The following IFT43 variants were observed in gnomAD, a reference collection of about 807,000 sequenced individuals.
IFT43 encodes intraflagellar transport protein 43 homolog.
Under a neutral mutation model 32.3 loss-of-function variants are expected in IFT43, and 33 were observed. The observed-to-expected ratio is 1.02, with a 90% confidence interval of 0.77 to 1.37. The LOEUF (loss-of-function observed/expected upper bound fraction) is 1.37, where lower values mean the gene tolerates loss of function less well. Ranked by LOEUF, IFT43 falls within the 40% of genes most tolerant of loss-of-function variation. The pLI, the probability that IFT43 is intolerant of heterozygous loss-of-function variation, is 0.00. For missense variants in IFT43, 274 were observed against 265.9 expected, an observed-to-expected ratio of 1.03 and a Z score of -0.21; for synonymous variants, 93 against 98.2, an observed-to-expected ratio of 0.95 and a Z score of 0.31.
chr14:75,999,074 C>T (rs1025163170), intron 2 of IFT43, among the ~76,000 whole-genome samples: 11 of 148,228 alleles, frequency 7.4e-5, no homozygotes, highest in African/African-American at 4.9e-5. Flanking sequence ...TATTGAGCTT[C>T]CTCTGTTTTA....
At chr14:75,986,026 G>A (rs2035517031) in intron 1 of IFT43, 186 bp downstream of exon 1, 1 of 1,525,766 alleles carries the variant, frequency 6.6e-7, no homozygotes, top group African/African-American at 1.4e-5. Flanking sequence ...CTGCTGGCCT[G>A]GGGTTTGCTT....
At chr14:76,076,445 T>C in intron 5 of IFT43, 1 of 1,096,006 alleles carries the variant, frequency 9.1e-7, no homozygotes, top group Admixed American at 2.0e-5. Context: ...GAGGCATCTC[T>C]GCCTGGGTGG....
At chr14:76,032,493 G>A (rs1004357082) in intron 3 of IFT43, among the ~76,000 whole-genome samples, 5 of 152,052 alleles carry the variant, frequency 3.3e-5, no homozygotes, top group Non-Finnish European at 5.9e-5. Context: ...ACCCCTCATC[G>A]CTCTGTGGTC....
chr14:76,060,427 C>T (rs1011201648), intron 5 of IFT43, among the ~76,000 whole-genome samples: 1 of 152,040 alleles, frequency 6.6e-6, no homozygotes, highest in Non-Finnish European at 1.5e-5. Context: ...CCATGTTGGC[C>T]AGGCTGGTCT....
intron 5 of IFT43, among the ~76,000 whole-genome samples, chr14:76,070,468 G>A (rs895636683): frequency 6.6e-6 from 1 of 152,180 alleles, no homozygotes; most frequent in African/African-American, 2.4e-5. Flanking sequence ...AGAACATTTC[G>A]TTATGTTGGC....
intron 5 of IFT43, among the ~76,000 whole-genome samples, chr14:76,066,152 A>G (rs2037221837): frequency 6.6e-6 from 1 of 152,222 alleles, no homozygotes; most frequent in Non-Finnish European, 1.5e-5. Context: ...GCCTAGAATG[A>G]TTGATGGGCT....
intron 2 of IFT43, among the ~76,000 whole-genome samples, chr14:76,006,110 G>A (rs1453292672): frequency 1.3e-5 from 2 of 152,152 alleles, no homozygotes; most frequent in Non-Finnish European, 2.9e-5. Context: ...CATTAGTGGT[G>A]CAACTTGGAA....
At chr14:76,045,023 G>GTA (rs1231461901) in intron 3 of IFT43, among the ~76,000 whole-genome samples, 3 of 152,204 alleles carry the variant, frequency 2.0e-5, no homozygotes, top group African/African-American at 7.2e-5. Flanking sequence ...ACGGTAGGCT[G>GTA]TATGTGGTTA....
intron 3 of IFT43, among the ~76,000 whole-genome samples, chr14:76,027,575 G>A (rs887765984): frequency 1.8e-4 from 28 of 152,144 alleles, no homozygotes; most frequent in Admixed American, 1.1e-3. Flanking sequence ...TAGGTGTGGT[G>A]GCGGGTGCCT....
chr14:76,059,796 AC>A (rs752390946), intron 5 of IFT43, among the ~76,000 whole-genome samples: 23 of 152,050 alleles, frequency 1.5e-4, no homozygotes, highest in Non-Finnish European at 1.5e-4. Context: ...TCTCACCACA[AC>A]CCCGTAGTAC....
At chr14:75,999,281 AT>A (rs371670856) in intron 2 of IFT43, among the ~76,000 whole-genome samples, 4,763 of 38,732 alleles carry the variant, frequency 0.12, 275 homozygotes, top group East Asian at 0.35. Flanking sequence ...ATGTATATAT[AT>A]TTTTTTTTTT....
chr14:76,059,769 C>T (rs1202566093), intron 5 of IFT43, among the ~76,000 whole-genome samples: 1 of 152,198 alleles, frequency 6.6e-6, no homozygotes. Context: ...CCAGTTTACA[C>T]ATGTTAAAGC....
At chr14:76,056,840 G>T (rs1357828228) in intron 3 of IFT43, among the ~76,000 whole-genome samples, 2 of 152,170 alleles carry the variant, frequency 1.3e-5, no homozygotes, top group African/African-American at 4.8e-5. Flanking sequence ...GGCTTTGATG[G>T]CTACTGGGTG....
intron 2 of IFT43, among the ~76,000 whole-genome samples, chr14:75,996,805 A>G (rs988567711): frequency 2.0e-5 from 3 of 152,272 alleles, no homozygotes; most frequent in Non-Finnish European, 4.4e-5. Context: ...TGAAGAGGGC[A>G]GGAGTGACCT....
intron 3 of IFT43, among the ~76,000 whole-genome samples, chr14:76,027,477 A>G (rs1215439520): frequency 1.3e-5 from 2 of 152,132 alleles, no homozygotes; most frequent in African/African-American, 2.4e-5. Context: ...TGGGAGGCCG[A>G]GGCGGGTGGA....
intron 2 of IFT43, among the ~76,000 whole-genome samples, chr14:76,019,735 T>G (rs2036255737): frequency 6.6e-6 from 1 of 152,158 alleles, no homozygotes; most frequent in Non-Finnish European, 1.5e-5. Flanking sequence ...GTTGCATATG[T>G]CAAGTAGGCT....
Position 76,082,355 on chromosome 14 carries a change from C to T in IFT43, c.356C>T (p.Ala119Val). 1.9e-6 allele frequency: 3 copies of T among 1,604,288 alleles called. No homozygotes were observed. ...VQEEDFVLQV[A>V]APPSIQIKRV... ...GAAGAAGACTTTGTTTTGCAGGTGG[C>T]AGCCCCTCCCAGGTAGGTTAAATCA... Residue 119 changes from alanine (A) to valine (V), a missense_variant, in exon 6 of 9, where the codon GCA becomes GTA. Ala to Val is a moderately conservative substitution (Grantham distance 64). Coordinates refer to ENST00000314067, the MANE Select transcript of IFT43 (RefSeq NM_001102564.3).
intron 3 of IFT43, among the ~76,000 whole-genome samples, chr14:76,040,450 A>G (rs2036685971): frequency 6.6e-6 from 1 of 152,226 alleles, no homozygotes; most frequent in African/African-American, 2.4e-5. Context: ...CCCATAGGCT[A>G]GGGAAGAGGT....
chr14:76,040,198 C>A (rs1253886526), intron 3 of IFT43, among the ~76,000 whole-genome samples: 1 of 152,138 alleles, frequency 6.6e-6, no homozygotes, highest in Non-Finnish European at 1.5e-5. Flanking sequence ...CAAGCCAGTA[C>A]TTTGGCCTCT....
Sources: allele counts gnomAD v4.1 joint callset (sites outside exome capture counted in the v4.1 genomes callset), GRCh38; gene constraint gnomAD v4.1.1; transcripts MANE v1.5; gene names NCBI Gene and HGNC (gene_info 2026-07-23, HGNC 2026-07-21).